Variants in PIK3R3 observed in about 807,000 individuals in gnomAD.
The protein encoded by PIK3R3 is phosphatidylinositol 3-kinase regulatory subunit gamma.
Under a neutral mutation model 62.9 loss-of-function variants are expected in PIK3R3, and 64 were observed. That is an observed-to-expected ratio of 1.02 (90% CI 0.83 to 1.25). The LOEUF (loss-of-function observed/expected upper bound fraction) is 1.25, where lower values mean the gene tolerates loss of function less well. PIK3R3 is among the 50% of genes most tolerant of loss of function. The pLI is 0.00. For synonymous variants in PIK3R3, 165 were observed against 189.0 expected (o/e 0.87, Z 1.04); for missense variants, 614 against 561.6 (o/e 1.09, Z -0.94).
In PIK3R3 at chr1:46,124,710, C is replaced by A. The variant is rs189835115; in HGVS notation, c.106+7137G>T. On this transcript the variant is annotated intron_variant, in intron 1 of 9. Coordinates refer to ENST00000262741, the MANE Select transcript of PIK3R3 (RefSeq NM_003629.4). Reference sequence around the variant, plus strand: ...ACTTGGGAGCCTGAGGCAGGAGAATCGCTGGAACCCAGGAGGCGGAGGTTG... The same window carrying A: ...ACTTGGGAGCCTGAGGCAGGAGAATAGCTGGAACCCAGGAGGCGGAGGTTG... 5.8e-4 allele frequency among the ~76,000 whole-genome samples: 86 copies of A among 147,844 alleles called. No individual in the cohort carries two copies. In the East Asian group the frequency reaches 0.014, roughly 24 times the overall value.
rs1161846016 is a variant in PIK3R3, at chr1:46,042,599, T to G, written c.*1074A>C. 1.4e-5 allele frequency: 3 copies of G among 221,282 alleles called. No homozygotes were observed. The highest frequency in any genetic ancestry group is 6.7e-5 in the African/African-American group (3 of 44,624). The allele number at this position is 221,282 out of a possible 1,614,324, so 13.7% of individuals were successfully genotyped here. On this transcript the variant is annotated 3_prime_UTR_variant, in exon 10 of 10. Transcript: ENST00000262741. This position sits in a 1 kb window ranked among gnomAD's most constrained non-coding sequence, Gnocchi z 4.3. ...GAAATGAAGGGAAATTAAACCATGTTTACTATTTCTGCAGGGCCTTTAAAC... is the reference window on the plus strand; with the variant it reads ...GAAATGAAGGGAAATTAAACCATGTGTACTATTTCTGCAGGGCCTTTAAAC...
chr1:46,132,791 C>T, upstream of PIK3R3: 4 of 1,263,668 alleles, frequency 3.2e-6, no homozygotes, highest in Non-Finnish European at 4.1e-6. Flanking sequence ...TACCGGGATT[C>T]TGTCAAGTGC....
At chr1:46,101,976 T>TA (rs1652723658) in intron 1 of PIK3R3, among the ~76,000 whole-genome samples, 1 of 143,128 alleles carries the variant, frequency 7.0e-6, no homozygotes, top group Non-Finnish European at 1.5e-5. Flanking sequence ...CATTGAATTG[T>TA]ATACTTTTTT....
chr1:46,137,205 C>A (rs576975579), upstream of PIK3R3, among the ~76,000 whole-genome samples: 38 of 152,220 alleles, frequency 2.5e-4, no homozygotes, highest in South Asian at 8.3e-4. Flanking sequence ...CCCATTCACT[C>A]ACTTAGCAAA....
chr1:46,095,352 C>T (rs1348471113), intron 1 of PIK3R3, among the ~76,000 whole-genome samples: 1 of 125,612 alleles, frequency 8.0e-6, no homozygotes, highest in Non-Finnish European at 1.7e-5. Flanking sequence ...GAGTTGGAAG[C>T]CATTATCCTC....
At chr1:46,051,928 G>T (rs1647388582) in intron 7 of PIK3R3, among the ~76,000 whole-genome samples, 1 of 152,064 alleles carries the variant, frequency 6.6e-6, no homozygotes, top group South Asian at 2.1e-4. Flanking sequence ...ACAAGGTCAG[G>T]AGATTGAGAC....
intron 1 of PIK3R3, among the ~76,000 whole-genome samples, chr1:46,126,712 G>A (rs1199147592): frequency 1.3e-5 from 2 of 151,600 alleles, no homozygotes; most frequent in Admixed American, 6.6e-5. Context: ...GAGGCAGAAG[G>A]ATCACTTGAG....
chr1:46,107,541 C>T (rs1291265337), intron 1 of PIK3R3, among the ~76,000 whole-genome samples: 4 of 151,938 alleles, frequency 2.6e-5, no homozygotes, highest in South Asian at 2.1e-4. Flanking sequence ...GGTGACAGAG[C>T]GAGACTCCAT....
In PIK3R3 at chr1:46,045,644, T is replaced by TTTTTTTTTTTTTTTTTTTTTC. The variant is rs370501368; in HGVS notation, c.1187+273_1187+274insGAAAAAAAAAAAAAAAAAAAA. On this transcript the variant is annotated intron_variant, in intron 9 of 9. Transcript: ENST00000262741. The stretch of plus-strand genomic sequence containing the variant: ...TTTTTTTTTTTTTTTTTTTTTTTTT[T>TTTTTTTTTTTTTTTTTTTTTC]CAATTTAAGATCTCACATTACCTTT... 4.4e-4 allele frequency among the ~76,000 whole-genome samples: 36 copies of TTTTTTTTTTTTTTTTTTTTTC among 82,678 alleles called. 1 individual carries two copies. The highest frequency in any genetic ancestry group is 7.0e-4 in the Non-Finnish European group (30 of 42,650). 54.2% of individuals were successfully genotyped at this position (82,678 alleles called of 152,430 possible).
chr1:46,148,427 T>C, the PIK3R3 span, among the ~76,000 whole-genome samples: 5 of 152,330 alleles, frequency 3.3e-5, no homozygotes, highest in African/African-American at 9.6e-5. Flanking sequence ...CAGGGTTACA[T>C]TGCATCCAAC....
chr1:46,124,729 G>A (rs1010761861), intron 1 of PIK3R3, among the ~76,000 whole-genome samples: 2 of 150,782 alleles, frequency 1.3e-5, no homozygotes, highest in African/African-American at 4.9e-5. Flanking sequence ...CCAGGAGGCG[G>A]AGGTTGCGGT....
chr1:46,061,904 C>T (rs1173090915), intron 6 of PIK3R3, 25 bp downstream of exon 6: 1 of 1,603,622 alleles, frequency 6.2e-7, no homozygotes, highest in South Asian at 1.1e-5. Flanking sequence ...TCACTGATGC[C>T]CTTGGAGGTA....
At chr1:46,047,817 G>A (rs1182737303) in intron 7 of PIK3R3, among the ~76,000 whole-genome samples, 2 of 152,166 alleles carry the variant, frequency 1.3e-5, no homozygotes, top group Non-Finnish European at 2.9e-5. Context: ...CTCTCACTCT[G>A]TCACCTAGGC....
the PIK3R3 span, among the ~76,000 whole-genome samples, chr1:46,159,913 C>G: frequency 2.0e-5 from 3 of 152,226 alleles, no homozygotes; most frequent in African/African-American, 7.2e-5. Flanking sequence ...CTTTCCTTTT[C>G]CTCCTCTTTT....
chr1:46,118,076 G>A lies in PIK3R3; in HGVS notation c.106+13771C>T, dbSNP rs1010539896. ...GGGCAACACAGCAAGACCCAGTCACGCACACACAAAAAAACCCACACAGAA... is the reference window on the plus strand; with the variant it reads ...GGGCAACACAGCAAGACCCAGTCACACACACACAAAAAAACCCACACAGAA... On this transcript the variant is annotated intron_variant, in intron 1 of 9. Coordinates refer to ENST00000262741, the MANE Select transcript of PIK3R3 (RefSeq NM_003629.4). Among the ~76,000 whole-genome samples the A allele has an allele frequency of 6.6e-5, 10 of 152,004 alleles. No individual in the cohort carries two copies. In the South Asian group the frequency reaches 1.0e-3, roughly 16 times the overall value.
chr1:46,087,802 G>A (rs1172777598), intron 1 of PIK3R3, among the ~76,000 whole-genome samples: 1 of 152,012 alleles, frequency 6.6e-6, no homozygotes, highest in East Asian at 1.9e-4. Flanking sequence ...CTCACATGGA[G>A]CTTCAAAATG....
chr1:46,132,274 G>A lies in PIK3R3; in HGVS notation c.-322C>T. The A allele has an allele frequency of 1.8e-6, 2 of 1,124,982 alleles. No individual in the cohort carries two copies. Among genetic ancestry groups the A allele is most frequent in the Non-Finnish European group, 1.1e-6 (1 of 913,808 alleles). The allele number at this position is 1,124,982 out of a possible 1,614,324, so 69.7% of individuals were successfully genotyped here. A position where few individuals can be genotyped will look rare whatever the true frequency, so the allele number is the denominator to read the frequency against. On this transcript the variant is annotated 5_prime_UTR_variant, in exon 1 of 10. Transcript: ENST00000262741. ...TTTCTACACAGTCGCTCTCCGGGGA[G>A]AAAAGCTCCCACCGCCTCCAAATCT...
intron 1 of PIK3R3, among the ~76,000 whole-genome samples, chr1:46,096,340 T>G (rs573134826): frequency 1.3e-4 from 20 of 152,336 alleles, no homozygotes; most frequent in African/African-American, 4.6e-4. Context: ...GACAATCTGG[T>G]CCATTTATCT....
At chr1:46,167,828 G>A in the PIK3R3 span, among the ~76,000 whole-genome samples, 1 of 152,170 alleles carries the variant, frequency 6.6e-6, no homozygotes, top group Non-Finnish European at 1.5e-5. Flanking sequence ...CTTTGCATTA[G>A]CTAAAATTTT....
Sources: allele counts gnomAD v4.1 joint callset (sites outside exome capture counted in the v4.1 genomes callset), GRCh38; gene constraint gnomAD v4.1.1; non-coding constraint Gnocchi (gnomAD v3.1); transcripts MANE v1.5; gene names NCBI Gene and HGNC (gene_info 2026-07-23, HGNC 2026-07-21).